ASTN1: variants seen among roughly 807,000 people sequenced by gnomAD.
ASTN1 encodes astrotactin 1.
Under a neutral mutation model 140.7 loss-of-function variants are expected in ASTN1, and 41 were observed. That is an observed-to-expected ratio of 0.29 (90% CI 0.23 to 0.38). The LOEUF (loss-of-function observed/expected upper bound fraction) is 0.38. ASTN1 is among the 10% of genes least tolerant of loss of function. The pLI is 1.00. For missense variants in ASTN1, 1,479 were observed against 1,678.8 expected, an observed-to-expected ratio of 0.88 and a Z score of 2.08; for synonymous variants, 640 against 652.2, an observed-to-expected ratio of 0.98 and a Z score of 0.29.
intron 17 of ASTN1, among the ~76,000 whole-genome samples, chr1:176,888,715 C>T (rs1669144856): frequency 6.6e-6 from 1 of 152,156 alleles, no homozygotes; most frequent in East Asian, 1.9e-4. Flanking sequence ...TGGGTTGTGA[C>T]TTGGCATTAG....
intron 16 of ASTN1, among the ~76,000 whole-genome samples, chr1:176,913,937 GA>G (rs1302767983): frequency 1.3e-5 from 2 of 152,216 alleles, no homozygotes; most frequent in Non-Finnish European, 2.9e-5. Context: ...TGATTGATTA[GA>G]AGAGACAAAC....
intron 1 of ASTN1, among the ~76,000 whole-genome samples, chr1:177,146,527 G>A (rs1682728430): frequency 6.6e-6 from 1 of 152,136 alleles, no homozygotes; most frequent in Non-Finnish European, 1.5e-5. Flanking sequence ...GAAAATATTA[G>A]TTCATGGAGT....
chr1:177,119,411 C>T (rs1215395724), intron 1 of ASTN1, among the ~76,000 whole-genome samples: 5 of 152,286 alleles, frequency 3.3e-5, no homozygotes, highest in Middle Eastern at 6.8e-3. Context: ...CAAAACTTCC[C>T]CTATAATATT....
chr1:176,930,066 G>A lies in ASTN1; in HGVS notation c.2671+4086C>T, dbSNP rs1041607768. Among the ~76,000 whole-genome samples, 9 of 152,170 alleles carry A rather than the reference G, an allele frequency of 5.9e-5. No individual in the cohort carries two copies. The East Asian group carries it at 9.6e-4, about 16-fold the overall frequency. On this transcript the variant is annotated intron_variant, in intron 16 of 22. Transcript: ENST00000361833. Reference sequence around the variant, plus strand: ...AGAATGGAGTGGAGTGGCAGGAAACGGAAGAGGAAGAGATACACACGAGGG... The same window carrying A: ...AGAATGGAGTGGAGTGGCAGGAAACAGAAGAGGAAGAGATACACACGAGGG...
chr1:176,891,452 A>G (rs1669262689), intron 17 of ASTN1, among the ~76,000 whole-genome samples: 1 of 152,190 alleles, frequency 6.6e-6, no homozygotes, highest in African/African-American at 2.4e-5. Context: ...AGAGGGGAGG[A>G]AACAACTATG....
intron 1 of ASTN1, among the ~76,000 whole-genome samples, chr1:177,087,870 G>A (rs1054110095): frequency 4.6e-5 from 7 of 152,212 alleles, no homozygotes; most frequent in Non-Finnish European, 8.8e-5. Flanking sequence ...ACCTCACTGA[G>A]TGAAGTTCGG....
chr1:176,857,513 A>G, downstream of ASTN1: 1 of 440,326 alleles, frequency 2.3e-6, no homozygotes, highest in South Asian at 6.4e-5. Context: ...GGAAGGTCAC[A>G]CGGAGGAGAC....
chr1:176,891,490 T>A (rs1323744741), intron 17 of ASTN1, among the ~76,000 whole-genome samples: 6 of 152,072 alleles, frequency 3.9e-5, no homozygotes, highest in Non-Finnish European at 8.8e-5. Flanking sequence ...AGGTGATGCA[T>A]GCTATAAAAG....
At chr1:177,025,998 G>A (rs766048804) in intron 5 of ASTN1, among the ~76,000 whole-genome samples, 45 of 152,310 alleles carry the variant, frequency 3.0e-4, no homozygotes, top group Non-Finnish European at 5.4e-4. Flanking sequence ...ATCCAGGTGA[G>A]GTTTCAGGAC....
chr1:177,111,439 C>G (rs1680819495), intron 1 of ASTN1, among the ~76,000 whole-genome samples: 1 of 151,448 alleles, frequency 6.6e-6, no homozygotes, highest in South Asian at 2.1e-4. Flanking sequence ...GGGGTGGACC[C>G]TTAGATTCTG....
At chr1:176,991,541 A>T (rs1389596567) in intron 8 of ASTN1, among the ~76,000 whole-genome samples, 1 of 149,862 alleles carries the variant, frequency 6.7e-6, no homozygotes, top group Non-Finnish European at 1.5e-5. Flanking sequence ...TAAAACGGAG[A>T]TGAAGTGATG....
At chr1:177,058,761 G>A (rs894304873) in intron 2 of ASTN1, among the ~76,000 whole-genome samples, 1 of 151,990 alleles carries the variant, frequency 6.6e-6, no homozygotes, top group Admixed American at 6.6e-5. Context: ...CTTTAGTGGT[G>A]ATTTGTAAGA....
chr1:177,116,291 A>T (rs1681086964), intron 1 of ASTN1, among the ~76,000 whole-genome samples: 1 of 152,200 alleles, frequency 6.6e-6, no homozygotes, highest in Non-Finnish European at 1.5e-5. Context: ...ACTGAATATT[A>T]TCTTTATGGG....
At chr1:177,034,710 C>A (rs1676627096) in intron 2 of ASTN1, among the ~76,000 whole-genome samples, 1 of 152,044 alleles carries the variant, frequency 6.6e-6, no homozygotes, top group Admixed American at 6.5e-5. Flanking sequence ...TTTAGCAGAA[C>A]CTGTATCTCA....
intron 1 of ASTN1, among the ~76,000 whole-genome samples, chr1:177,152,179 A>G (rs1293746190): frequency 6.6e-6 from 1 of 152,180 alleles, no homozygotes; most frequent in African/African-American, 2.4e-5. Flanking sequence ...AGGACCACAG[A>G]AAGTGCACAG....
At chr1:176,871,384 C>T (rs1402462000) in intron 21 of ASTN1, among the ~76,000 whole-genome samples, 2 of 152,150 alleles carry the variant, frequency 1.3e-5, no homozygotes, top group East Asian at 1.9e-4. Context: ...TGCACTGGTG[C>T]CAATCTGTGC....
chr1:177,013,995 A>G (rs1329899334), intron 8 of ASTN1, among the ~76,000 whole-genome samples: 1 of 151,838 alleles, frequency 6.6e-6, no homozygotes, highest in Non-Finnish European at 1.5e-5. Flanking sequence ...ACTGTGAGCT[A>G]TGATCATGCC....
chr1:177,038,502 G>A (rs1676830825), intron 2 of ASTN1, among the ~76,000 whole-genome samples: 1 of 152,102 alleles, frequency 6.6e-6, no homozygotes, highest in Admixed American at 6.5e-5. Flanking sequence ...GGAAGGGAAG[G>A]AGGGAAGCAA....
intron 1 of ASTN1, among the ~76,000 whole-genome samples, chr1:177,151,910 G>A (rs1193058532): frequency 2.6e-5 from 4 of 152,106 alleles, no homozygotes; most frequent in Non-Finnish European, 5.9e-5. Context: ...TGTTTGTACA[G>A]AAGGAACTTT....
Sources: gnomAD v4.1 joint callset for allele counts (sites outside exome capture counted in the v4.1 genomes callset) on GRCh38, gnomAD v4.1.1 for gene constraint, MANE v1.5 for transcripts, NCBI Gene and HGNC (gene_info 2026-07-23, HGNC 2026-07-21) for gene names.